Variants in RYK observed in about 807,000 individuals in gnomAD.
The protein encoded by RYK is inactive tyrosine-protein kinase RYK.
Under a neutral mutation model 70.2 loss-of-function variants are expected in RYK, and 21 were observed. The ratio of observed to expected loss-of-function variants is 0.30; its 90% CI spans 0.21 to 0.43. The LOEUF (loss-of-function observed/expected upper bound fraction) is 0.43. RYK is among the 20% of genes least tolerant of loss of function. RYK has a pLI of 1.00. For missense variants in RYK, 604 were observed against 753.3 expected (o/e 0.80, Z 2.32); for synonymous variants, 267 against 278.0 (o/e 0.96, Z 0.39).
intron 13 of RYK, among the ~76,000 whole-genome samples, chr3:134,175,385 G>A (rs1357597735): frequency 6.6e-6 from 1 of 151,524 alleles, no homozygotes; most frequent in Non-Finnish European, 1.5e-5. Context: ...GAGCAGTACT[G>A]TGAGGATGAA....
chr3:134,202,625 T>A (rs370392813), intron 6 of RYK, 105 bp downstream of exon 6: 4 of 890,400 alleles, frequency 4.5e-6, no homozygotes, highest in East Asian at 5.8e-5. Flanking sequence ...GGCTTAATCA[T>A]CCTCCCTCCT....
chr3:134,189,708 A>G (rs2013583195), intron 8 of RYK, among the ~76,000 whole-genome samples: 1 of 142,464 alleles, frequency 7.0e-6, no homozygotes. Flanking sequence ...GTGCCACTGC[A>G]CTCCAGCCTG....
chr3:134,210,919 G>A (rs1028783720), intron 3 of RYK, among the ~76,000 whole-genome samples: 28 of 152,126 alleles, frequency 1.8e-4, no homozygotes, highest in African/African-American at 6.8e-4. Flanking sequence ...GAATGAGTAG[G>A]ATGAATAGAA....
intron 6 of RYK, among the ~76,000 whole-genome samples, chr3:134,196,942 C>G (rs1433530661): frequency 6.6e-6 from 1 of 152,166 alleles, no homozygotes; most frequent in Admixed American, 6.5e-5. Flanking sequence ...AATGCCCCCC[C>G]AGCATGCCTT....
At chr3:134,229,294 TTCTCTCTCTCTC>T (rs34305748) in intron 1 of RYK, among the ~76,000 whole-genome samples, 73 of 143,840 alleles carry the variant, frequency 5.1e-4, no homozygotes, top group Admixed American at 3.9e-3. Context: ...CTCTACTGCC[TTCTCTCTCTCTC>T]TCTCTCTCTC....
intron 8 of RYK, among the ~76,000 whole-genome samples, chr3:134,190,403 GAAGT>G (rs1309933848): frequency 7.2e-5 from 11 of 152,104 alleles, no homozygotes; most frequent in African/African-American, 1.9e-4. Flanking sequence ...AAAAACAATG[GAAGT>G]AAGGAACATA....
At chr3:134,249,592 C>T (rs565526896) in intron 1 of RYK, among the ~76,000 whole-genome samples, 5 of 152,050 alleles carry the variant, frequency 3.3e-5, no homozygotes, top group African/African-American at 9.7e-5. Flanking sequence ...TAACATAAGA[C>T]CCCAGCAATT....
intron 1 of RYK, among the ~76,000 whole-genome samples, chr3:134,228,228 C>T (rs1316675613): frequency 2.6e-5 from 4 of 151,912 alleles, no homozygotes; most frequent in Non-Finnish European, 2.9e-5. Flanking sequence ...GAGTTCGAGG[C>T]GGCAGTGAGC....
At chr3:134,189,385 C>T (rs1341782480) in intron 8 of RYK, among the ~76,000 whole-genome samples, 1 of 152,150 alleles carries the variant, frequency 6.6e-6, no homozygotes, top group Non-Finnish European at 1.5e-5. Context: ...GGGTTCCATT[C>T]CTTCTACCAC....
rs561399242 is a variant in RYK, at chr3:134,230,501, A to G, written c.233-7962T>C. Among the ~76,000 whole-genome samples, 15 of 152,378 alleles carry G rather than the reference A, an allele frequency of 9.8e-5. No individual in the cohort carries two copies. The South Asian group carries it at 2.7e-3, about 27-fold the overall frequency. ...AATGGAATGCTAATCAGCAATGAAA[A>G]TAAGAGACTTTGTAACAATAGGGAT... is the stretch of plus-strand genomic sequence containing the variant. On this transcript the variant is annotated intron_variant, in intron 1 of 14. Transcript: ENST00000623711.
chr3:134,193,046 TAA>T (rs1313868737), intron 7 of RYK, among the ~76,000 whole-genome samples: 1 of 152,240 alleles, frequency 6.6e-6, no homozygotes, highest in Non-Finnish European at 1.5e-5. Context: ...TTGACTTTTT[TAA>T]AAAGTGTTTG....
intron 1 of RYK, among the ~76,000 whole-genome samples, chr3:134,245,982 CA>C (rs1377806062): frequency 1.3e-5 from 2 of 151,534 alleles, no homozygotes; most frequent in Non-Finnish European, 2.9e-5. Context: ...CTTAAACAAA[CA>C]AAGAAAAGAT....
At chr3:134,246,354 A>AGAGAG (rs2015467954) in intron 1 of RYK, among the ~76,000 whole-genome samples, 1 of 143,228 alleles carries the variant, frequency 7.0e-6, no homozygotes, top group African/African-American at 2.6e-5. Flanking sequence ...AGAGAGAGAG[A>AGAGAG]AAATAAAGGG....
chr3:134,237,294 T>C (rs1433659841), intron 1 of RYK, among the ~76,000 whole-genome samples: 1 of 151,182 alleles, frequency 6.6e-6, no homozygotes, highest in East Asian at 1.9e-4. Context: ...GCAAACCATC[T>C]CTCTTTATTT....
At chr3:134,195,431 C>T in intron 6 of RYK, 1 of 355,758 alleles carries the variant, frequency 2.8e-6, no homozygotes, top group Non-Finnish European at 5.1e-6. Context: ...AATGTAGGTA[C>T]TAGTGCTCAG....
chr3:134,183,660 A>G (rs1438958913), intron 9 of RYK, among the ~76,000 whole-genome samples: 1 of 152,208 alleles, frequency 6.6e-6, no homozygotes, highest in Non-Finnish European at 1.5e-5. Flanking sequence ...AAATTTTGAA[A>G]TGCAGATATA....
intron 13 of RYK, chr3:134,170,851 T>G (rs1490179269): frequency 1.3e-5 from 2 of 155,278 alleles, no homozygotes. Flanking sequence ...GCATCTCTAT[T>G]GGAGATGTGG....
intron 5 of RYK, among the ~76,000 whole-genome samples, chr3:134,203,613 G>C (rs2014099524): frequency 6.6e-6 from 1 of 152,172 alleles, no homozygotes; most frequent in African/African-American, 2.4e-5. Context: ...CAATAACTTG[G>C]ATAAGGGTAC....
At chr3:134,187,344 T>C (rs553927961) in intron 9 of RYK, among the ~76,000 whole-genome samples, 24 of 152,338 alleles carry the variant, frequency 1.6e-4, no homozygotes, top group African/African-American at 5.5e-4. Context: ...ATTAACTTCA[T>C]AAACTGTATA....
Sources: allele counts gnomAD v4.1 joint callset (sites outside exome capture counted in the v4.1 genomes callset), GRCh38; gene constraint gnomAD v4.1.1; transcripts MANE v1.5; gene names NCBI Gene and HGNC (gene_info 2026-07-23, HGNC 2026-07-21).